The following SUFU variants were observed in gnomAD, a reference collection of about 807,000 sequenced individuals.
SUFU encodes SUFU negative regulator of hedgehog signaling.
In SUFU, 7 loss-of-function variants were observed where a neutral mutation model predicts 58.9. The ratio of observed to expected loss-of-function variants is 0.12; its 90% CI spans 0.07 to 0.22. The LOEUF (loss-of-function observed/expected upper bound fraction) is 0.22, where lower values mean the gene tolerates loss of function less well. Among genes scored for constraint, SUFU ranks in the 10% least tolerant of loss-of-function variants. The pLI is 1.00. For synonymous variants in SUFU, 232 were observed against 254.8 expected, an observed-to-expected ratio of 0.91 and a Z score of 0.85; for missense variants, 451 against 641.3, an observed-to-expected ratio of 0.70 and a Z score of 3.20.
At chr10:102,565,954 A>G (rs2063085023) in intron 3 of SUFU, among the ~76,000 whole-genome samples, 1 of 152,184 alleles carries the variant, frequency 6.6e-6, no homozygotes, top group Non-Finnish European at 1.5e-5. Flanking sequence ...TTTCAGCGGA[A>G]TGTGGCCCTT....
At chr10:102,601,143 G>A (rs2063511924) in intron 8 of SUFU, among the ~76,000 whole-genome samples, 1 of 152,156 alleles carries the variant, frequency 6.6e-6, no homozygotes, top group Non-Finnish European at 1.5e-5. Context: ...TGGAAGCCTG[G>A]GGTTTCTAGG....
chr10:102,573,261 A>C, intron 3 of SUFU: 1 of 655,098 alleles, frequency 1.5e-6, no homozygotes, highest in Non-Finnish European at 2.7e-6. Context: ...TTAACACAAA[A>C]TCATCTACTT....
chr10:102,517,839 G>T (rs1031925174), intron 2 of SUFU, among the ~76,000 whole-genome samples: 3 of 152,188 alleles, frequency 2.0e-5, no homozygotes, highest in Admixed American at 6.5e-5. Context: ...AGGCTGTGCA[G>T]CACACTCACC....
In SUFU at chr10:102,590,986, C is replaced by T. The variant is rs2063394582; in HGVS notation, c.455-1596C>T. The T allele has an allele frequency of 2.0e-5, 3 of 152,244 alleles. No individual in the cohort carries two copies. The South Asian group carries it at 6.2e-4, about 32-fold the overall frequency. The allele number at this position is 152,244 out of a possible 1,614,324, so 9.4% of individuals were successfully genotyped here. Reference sequence around the variant, plus strand: ...GATGAAGCAGTCTTCCTTCTCCTGCCTGAATGAACACTATTGAGGTTAGGA... The same window carrying T: ...GATGAAGCAGTCTTCCTTCTCCTGCTTGAATGAACACTATTGAGGTTAGGA... On this transcript the variant is annotated intron_variant, in intron 3 of 11. Coordinates refer to ENST00000369902, the MANE Select transcript of SUFU (RefSeq NM_016169.4).
intron 3 of SUFU, among the ~76,000 whole-genome samples, chr10:102,557,981 C>T (rs567187068): frequency 6.6e-6 from 1 of 151,964 alleles, no homozygotes; most frequent in African/African-American, 2.4e-5. Flanking sequence ...GCTCACTGCA[C>T]CTCCGCCTCC....
At chr10:102,510,302 C>T (rs1298998454) in intron 2 of SUFU, among the ~76,000 whole-genome samples, 5 of 151,718 alleles carry the variant, frequency 3.3e-5, no homozygotes, top group Non-Finnish European at 5.9e-5. Flanking sequence ...CTCCACCTGC[C>T]GGGTTCACGC....
intron 2 of SUFU, among the ~76,000 whole-genome samples, chr10:102,539,808 CA>C (rs974855412): frequency 4.6e-5 from 7 of 152,090 alleles, no homozygotes; most frequent in African/African-American, 1.7e-4. Flanking sequence ...TATCTATACA[CA>C]TAATATAAAT....
chr10:102,597,646 C>T (rs903444641), intron 7 of SUFU, among the ~76,000 whole-genome samples: 10 of 152,248 alleles, frequency 6.6e-5, no homozygotes, highest in South Asian at 2.1e-4. Flanking sequence ...GTCGGCCACC[C>T]ACGGAATTGA....
upstream of SUFU, among the ~76,000 whole-genome samples, chr10:102,503,414 A>G (rs1222282749): frequency 6.6e-6 from 1 of 152,188 alleles, no homozygotes; most frequent in Non-Finnish European, 1.5e-5. Flanking sequence ...CTGCTCGAGT[A>G]TCTCTTTAAT....
chr10:102,550,429 G>C (rs2062900630), intron 3 of SUFU, among the ~76,000 whole-genome samples: 1 of 152,178 alleles, frequency 6.6e-6, no homozygotes, highest in Admixed American at 6.5e-5. Flanking sequence ...TTGCTCAGAA[G>C]CATTTCCCAT....
rs765115603 is a variant in SUFU, at chr10:102,549,922, T to C, written c.318-48T>C. The C allele has an allele frequency of 1.4e-5, 23 of 1,613,094 alleles. No individual in the cohort carries two copies. In the Admixed American group the frequency reaches 1.5e-4, roughly 11 times the overall value. ...AACTTTAGACTTTCAAGAGAGTGTT[T>C]TTCCTAAGGTAATTGAGCTTAAAAC... On this transcript the variant is annotated intron_variant, in intron 2 of 11. Coordinates refer to ENST00000369902, the MANE Select transcript of SUFU (RefSeq NM_016169.4).
rs1471523787 is a variant in SUFU, at chr10:102,619,104, G to A, written c.1296+1676G>A. 6.2e-7 allele frequency: 1 copy of A among 1,612,782 alleles called. No homozygotes were observed. The highest frequency in any genetic ancestry group is 8.5e-7 in the Non-Finnish European group (1 of 1,179,870). On this transcript the variant is annotated intron_variant, in intron 10 of 11. Transcript: ENST00000369902. The surrounding 1 kb of genome is among the most constrained non-coding windows in gnomAD (Gnocchi z 4.2). ...CTCGGAGCTCTGCCCTCCCGTCCTG[G>A]AACGTCTTTCTGCCCTGAGGAGAGG...
At position 102,582,066 on chromosome 10, in the gene SUFU, G is replaced by T. The variant is rs535663510; in HGVS notation, c.455-10516G>T. ...TGCCCTTGTTCTCTGTCCCTGGAAAGCACGGAATAATCTCAGAGCACGCAG... is the reference window on the plus strand; with the variant it reads ...TGCCCTTGTTCTCTGTCCCTGGAAATCACGGAATAATCTCAGAGCACGCAG... On this transcript the variant is annotated intron_variant, in intron 3 of 11. Transcript: ENST00000369902. Among the ~76,000 whole-genome samples, 145 of 152,270 alleles carry T rather than the reference G, an allele frequency of 9.5e-4. 1 individual carries two copies. The highest frequency in any genetic ancestry group is 3.3e-3 in the African/African-American group (139 of 41,546).
At position 102,517,212 on chromosome 10, in the gene SUFU, C is replaced by CG. The variant is rs147571400; in HGVS notation, c.317+7914dup. On this transcript the variant is annotated intron_variant, in intron 2 of 11. Coordinates refer to ENST00000369902, the MANE Select transcript of SUFU (RefSeq NM_016169.4). ...CTGAGGCAGGAGAATCGCTTGGACT[C>CG]GGGGGCCAGAGATTACACTGAGCCG... is the stretch of plus-strand genomic sequence containing the variant. Among the ~76,000 whole-genome samples the CG allele has an allele frequency of 9.9e-4, 150 of 152,088 alleles. 1 individual carries two copies. Among genetic ancestry groups the CG allele is most frequent in the African/African-American group, 3.3e-3 (139 of 41,512 alleles).
intron 2 of SUFU, among the ~76,000 whole-genome samples, chr10:102,547,832 G>GGAGAGAGAGAGA (rs958492409): frequency 1.3e-4 from 20 of 151,534 alleles, no homozygotes; most frequent in African/African-American, 4.6e-4. Context: ...GAGGCGGGGG[G>GGAGAGAGAGAGA]GAGAGAGAGA....
chr10:102,603,124 C>T (rs372675518), intron 8 of SUFU, among the ~76,000 whole-genome samples: 3 of 152,076 alleles, frequency 2.0e-5, no homozygotes, highest in African/African-American at 4.8e-5. Context: ...ACAGAAGATA[C>T]GTGTGGTCAG....
chr10:102,562,735 A>C (rs1273604774), intron 3 of SUFU, among the ~76,000 whole-genome samples: 2 of 151,996 alleles, frequency 1.3e-5, no homozygotes, highest in Non-Finnish European at 2.9e-5. Context: ...TACTGAAAAT[A>C]CAAAAATTAG....
chr10:102,595,517 C>T (rs1021399086), intron 6 of SUFU, among the ~76,000 whole-genome samples: 8 of 152,298 alleles, frequency 5.3e-5, no homozygotes, highest in Non-Finnish European at 1.2e-4. Flanking sequence ...TGGCCCCTGT[C>T]ATAAGTGCCA....
intron 3 of SUFU, among the ~76,000 whole-genome samples, chr10:102,581,921 G>C (rs2063284541): frequency 6.6e-6 from 1 of 152,148 alleles, no homozygotes; most frequent in Non-Finnish European, 1.5e-5. Flanking sequence ...TGACCTCCAA[G>C]TTGACAGACC....
Sources: allele counts gnomAD v4.1 joint callset (sites outside exome capture counted in the v4.1 genomes callset), GRCh38; gene constraint gnomAD v4.1.1; non-coding constraint Gnocchi (gnomAD v3.1); transcripts MANE v1.5; gene names NCBI Gene and HGNC (gene_info 2026-07-23, HGNC 2026-07-21).